The following CCSER1 variants were observed in gnomAD, a reference collection of about 807,000 sequenced individuals.
The protein encoded by CCSER1 is coiled-coil serine rich protein 1.
CCSER1 carries 41 observed loss-of-function variants against 82.0 expected under a neutral mutation model. The observed-to-expected ratio is 0.50, with a 90% confidence interval of 0.39 to 0.65. The LOEUF is 0.65. CCSER1 is among the 30% of genes least tolerant of loss of function. The pLI is 0.00. For missense variants in CCSER1, 1,119 were observed against 1,064.2 expected (o/e 1.05, Z -0.72); for synonymous variants, 414 against 383.9 (o/e 1.08, Z -0.92).
intron 9 of CCSER1, among the ~76,000 whole-genome samples, chr4:91,030,225 T>C (rs1740852671): frequency 6.6e-6 from 1 of 151,806 alleles, no homozygotes; most frequent in African/African-American, 2.4e-5. Flanking sequence ...ATCAATATAA[T>C]AGGGAAAACC....
At chr4:91,468,753 G>T (rs1161716210) in intron 10 of CCSER1, among the ~76,000 whole-genome samples, 1 of 151,864 alleles carries the variant, frequency 6.6e-6, no homozygotes, top group Non-Finnish European at 1.5e-5. Context: ...AACTGAAAAA[G>T]AATTAATCAG....
chr4:91,303,589 C>T (rs903370305), intron 10 of CCSER1, among the ~76,000 whole-genome samples: 8 of 151,632 alleles, frequency 5.3e-5, no homozygotes, highest in Non-Finnish European at 1.0e-4. Context: ...AGTTCAAGAC[C>T]GGCCTTGGCA....
chr4:91,080,420 G>C (rs1400705021), intron 9 of CCSER1, among the ~76,000 whole-genome samples: 3 of 152,194 alleles, frequency 2.0e-5, no homozygotes, highest in Non-Finnish European at 4.4e-5. Context: ...TCAAAGCAGT[G>C]TGTAGAGGTA....
At chr4:90,937,498 CACACAA>C (rs888174998) in intron 9 of CCSER1, among the ~76,000 whole-genome samples, 4 of 149,322 alleles carry the variant, frequency 2.7e-5, no homozygotes, top group African/African-American at 1.0e-4. Context: ...CACACACACA[CACACAA>C]ACACACACAC....
chr4:90,914,339 A>T (rs960839254), intron 8 of CCSER1, among the ~76,000 whole-genome samples: 1 of 152,124 alleles, frequency 6.6e-6, no homozygotes, highest in African/African-American at 2.4e-5. Flanking sequence ...GATTAAGAAA[A>T]TCACTCAAAA....
intron 7 of CCSER1, among the ~76,000 whole-genome samples, chr4:90,799,912 C>G (rs1048742010): frequency 1.7e-4 from 26 of 152,140 alleles, no homozygotes; most frequent in African/African-American, 5.3e-4. Context: ...GCAGACTGCC[C>G]CTTGCCAGTT....
chr4:90,927,131 T>C (rs1266124991), intron 9 of CCSER1, among the ~76,000 whole-genome samples: 1 of 152,072 alleles, frequency 6.6e-6, no homozygotes, highest in Non-Finnish European at 1.5e-5. Context: ...GACATCTTTA[T>C]GGACAGCTTA....
chr4:91,107,694 C>G (rs1725759233), intron 10 of CCSER1, among the ~76,000 whole-genome samples: 1 of 146,256 alleles, frequency 6.8e-6, no homozygotes, highest in East Asian at 2.0e-4. Flanking sequence ...ATGATAAAAG[C>G]ACCATTTAGC....
At chr4:91,244,983 G>T (rs940633622) in intron 10 of CCSER1, among the ~76,000 whole-genome samples, 3 of 151,990 alleles carry the variant, frequency 2.0e-5, no homozygotes, top group Non-Finnish European at 4.4e-5. Flanking sequence ...GTTGAAAAAT[G>T]CAATTGGCAT....
chr4:91,472,440 A>C (rs1259385905), intron 10 of CCSER1, among the ~76,000 whole-genome samples: 1 of 152,314 alleles, frequency 6.6e-6, no homozygotes, highest in East Asian at 1.9e-4. Context: ...AATCAATAGT[A>C]AACCCCAATC....
intron 7 of CCSER1, among the ~76,000 whole-genome samples, chr4:90,747,270 C>G (rs772929534): frequency 3.9e-5 from 6 of 152,112 alleles, no homozygotes; most frequent in Non-Finnish European, 2.9e-5. Flanking sequence ...ATGAAAGTTA[C>G]CTGAAATAAT....
intron 8 of CCSER1, among the ~76,000 whole-genome samples, chr4:90,850,494 GA>G (rs1342767564): frequency 1.1e-4 from 17 of 152,226 alleles, no homozygotes; most frequent in African/African-American, 3.9e-4. Context: ...AAGGCCATGG[GA>G]GCCCACTTCC....
intron 10 of CCSER1, among the ~76,000 whole-genome samples, chr4:91,566,940 G>A (rs745390412): frequency 6.6e-6 from 1 of 151,932 alleles, no homozygotes; most frequent in Non-Finnish European, 1.5e-5. Context: ...CATTGGGGTT[G>A]ATTTGTTCTT....
At chr4:90,643,184 G>C in intron 6 of CCSER1, among the ~76,000 whole-genome samples, 1 of 152,150 alleles carries the variant, frequency 6.6e-6, no homozygotes, top group East Asian at 1.9e-4. Context: ...GTCAAGGCTA[G>C]TTAGTAAATA....
chr4:91,136,586 A>C (rs1337003775), intron 10 of CCSER1, among the ~76,000 whole-genome samples: 1 of 152,140 alleles, frequency 6.6e-6, no homozygotes, highest in Non-Finnish European at 1.5e-5. Context: ...CATTGGGAGA[A>C]TTCTTTGTGT....
intron 1 of CCSER1, among the ~76,000 whole-genome samples, chr4:90,171,599 T>A (rs1731681444): frequency 6.6e-6 from 1 of 151,950 alleles, no homozygotes; most frequent in African/African-American, 2.4e-5. Context: ...CACATTCCAC[T>A]GTGTAAGTCC....
chr4:91,163,157 A>T (rs1278844966), intron 10 of CCSER1, among the ~76,000 whole-genome samples: 1 of 152,232 alleles, frequency 6.6e-6, no homozygotes, highest in Non-Finnish European at 1.5e-5. Flanking sequence ...GTTTCAAAGA[A>T]CATCTTTATT....
intron 5 of CCSER1, among the ~76,000 whole-genome samples, chr4:90,484,753 C>G (rs2153600490): frequency 6.6e-6 from 1 of 152,226 alleles, no homozygotes; most frequent in African/African-American, 2.4e-5. Context: ...AGAGGAGTAC[C>G]TGGCCGGCTG....
intron 10 of CCSER1, among the ~76,000 whole-genome samples, chr4:91,415,454 T>G (rs546249556): frequency 6.6e-6 from 1 of 152,244 alleles, no homozygotes; most frequent in Non-Finnish European, 1.5e-5. Context: ...CTATGTTGAT[T>G]AAGCATGGTA....
Sources: allele counts gnomAD v4.1 joint callset (sites outside exome capture counted in the v4.1 genomes callset), GRCh38; gene constraint gnomAD v4.1.1; transcripts MANE v1.5; gene names NCBI Gene and HGNC (gene_info 2026-07-23, HGNC 2026-07-21).